Variants in PTPRT observed in about 807,000 individuals in gnomAD.
PTPRT encodes the protein receptor-type tyrosine-protein phosphatase T.
PTPRT carries 56 observed loss-of-function variants against 176.8 expected under a neutral mutation model. The ratio of observed to expected loss-of-function variants is 0.32; its 90% CI spans 0.26 to 0.40. The LOEUF is 0.40. PTPRT is among the 10% of genes least tolerant of loss of function. The pLI is 1.00. For synonymous variants in PTPRT, 783 were observed against 739.0 expected (o/e 1.06, Z -0.96); for missense variants, 1,540 against 1,908.2 (o/e 0.81, Z 3.60).
At chr20:42,766,559 A>G (rs1268518971) in intron 5 of PTPRT, among the ~76,000 whole-genome samples, 2 of 152,190 alleles carry the variant, frequency 1.3e-5, no homozygotes, top group Non-Finnish European at 1.5e-5. Context: ...GGTGCAAAAC[A>G]GGGGCATTGG....
chr20:42,811,548 T>G (rs1209546604), intron 2 of PTPRT, among the ~76,000 whole-genome samples: 1 of 152,190 alleles, frequency 6.6e-6, no homozygotes, highest in Non-Finnish European at 1.5e-5. Context: ...CATTAAGAGC[T>G]TGAAGTAATT....
At chr20:42,803,132 G>A (rs959108926) in intron 2 of PTPRT, among the ~76,000 whole-genome samples, 1 of 152,216 alleles carries the variant, frequency 6.6e-6, no homozygotes, top group Non-Finnish European at 1.5e-5. Flanking sequence ...CAGAGGCAGC[G>A]GGCCTAGAAG....
At chr20:42,643,813 C>A (rs1009854942) in intron 7 of PTPRT, among the ~76,000 whole-genome samples, 2 of 151,998 alleles carry the variant, frequency 1.3e-5, no homozygotes, top group Non-Finnish European at 2.9e-5. Flanking sequence ...TTGCAACCCT[C>A]CCCTTGCCTG....
intron 1 of PTPRT, among the ~76,000 whole-genome samples, chr20:43,179,203 C>A (rs2015190475): frequency 6.6e-6 from 1 of 152,160 alleles, no homozygotes; most frequent in Non-Finnish European, 1.5e-5. Flanking sequence ...GTGACAGTTT[C>A]TTCTGTGATG....
chr20:42,039,908 A>T, the PTPRT span, among the ~76,000 whole-genome samples: 1 of 151,984 alleles, frequency 6.6e-6, no homozygotes, highest in Admixed American at 6.6e-5. Flanking sequence ...GGAAGTGCAG[A>T]TATCTCTTTG....
At chr20:43,001,274 T>C (rs1016843150) in intron 1 of PTPRT, among the ~76,000 whole-genome samples, 1 of 152,110 alleles carries the variant, frequency 6.6e-6, no homozygotes, top group African/African-American at 2.4e-5. Context: ...AAAATATAGA[T>C]CTCAAAAAAT....
At chr20:42,425,133 C>G (rs542692835) in intron 9 of PTPRT, among the ~76,000 whole-genome samples, 2 of 152,214 alleles carry the variant, frequency 1.3e-5, no homozygotes, top group South Asian at 4.2e-4. Context: ...CATCCACTCT[C>G]TGCTAGGTAC....
At chr20:42,592,746 G>T (rs1251535067) in intron 7 of PTPRT, among the ~76,000 whole-genome samples, 1 of 152,166 alleles carries the variant, frequency 6.6e-6, no homozygotes, top group Non-Finnish European at 1.5e-5. Context: ...CTGCCTGTCA[G>T]TTTCTGCTTC....
chr20:42,981,579 G>T (rs1263198491), intron 1 of PTPRT, among the ~76,000 whole-genome samples: 1 of 152,210 alleles, frequency 6.6e-6, no homozygotes, highest in Non-Finnish European at 1.5e-5. Flanking sequence ...TAGCCTGCTG[G>T]ATGGGAACCC....
chr20:42,543,941 T>C (rs1432016788), intron 7 of PTPRT, among the ~76,000 whole-genome samples: 1 of 152,208 alleles, frequency 6.6e-6, no homozygotes, highest in Admixed American at 6.5e-5. Flanking sequence ...AAATCTTCAG[T>C]AAACCCTGCT....
intron 6 of PTPRT, among the ~76,000 whole-genome samples, chr20:42,752,565 T>A (rs2076782677): frequency 6.6e-6 from 1 of 152,138 alleles, no homozygotes; most frequent in Admixed American, 6.5e-5. Flanking sequence ...TATCCCAGGG[T>A]TGTGGGTGAC....
chr20:42,040,704 A>G, the PTPRT span, among the ~76,000 whole-genome samples: 1 of 152,342 alleles, frequency 6.6e-6, no homozygotes, highest in South Asian at 2.1e-4. Context: ...ATTATGGAAA[A>G]GTGTGATGAT....
At position 42,248,718 on chromosome 20, in the gene PTPRT, G is replaced by C. The variant is rs143630572; in HGVS notation, c.2281C>G (p.Leu761Val). The change falls in exon 14 of 31, where the codon CTC becomes GTC. Residue 761 changes from leucine to valine, a missense_variant. Transcript: ENST00000373187. ...IAGLLMFIIILLGVMLTIKRR... is the reference protein window; with the variant it reads ...IAGLLMFIIIVLGVMLTIKRR... Reference sequence around the variant, plus strand: ...TTGATGGTGAGCATCACGCCCAGGAGAATGATGATGAACATGAGGAGGCCA... The same window carrying C: ...TTGATGGTGAGCATCACGCCCAGGACAATGATGATGAACATGAGGAGGCCA... 7,618 of 1,614,014 alleles carry C rather than the reference G, an allele frequency of 4.7e-3. 46 individuals carry two copies. The highest frequency in any genetic ancestry group is 4.9e-3 in the Non-Finnish European group (5,737 of 1,179,938).
At chr20:42,212,301 T>TAAAAAAAAAAAAAAGAA (rs2055657214) in intron 15 of PTPRT, among the ~76,000 whole-genome samples, 1 of 53,006 alleles carries the variant, frequency 1.9e-5, no homozygotes, top group African/African-American at 5.0e-5. Context: ...ACTTAAAGTA[T>TAAAAAAAAAAAAAAGAA]AAAAAAAAAA....
chr20:42,920,418 G>A (rs1979069865), intron 1 of PTPRT, among the ~76,000 whole-genome samples: 1 of 152,030 alleles, frequency 6.6e-6, no homozygotes, highest in African/African-American at 2.4e-5. Context: ...TTGAGGGGAG[G>A]GTGATAAAAA....
intron 7 of PTPRT, among the ~76,000 whole-genome samples, chr20:42,531,920 C>T (rs576214971): frequency 2.8e-4 from 42 of 152,268 alleles, no homozygotes; most frequent in African/African-American, 7.2e-4. Flanking sequence ...TTTGAGAAGC[C>T]GTGCTATTGT....
At chr20:43,018,112 C>T (rs912599976) in intron 1 of PTPRT, among the ~76,000 whole-genome samples, 10 of 152,194 alleles carry the variant, frequency 6.6e-5, no homozygotes, top group South Asian at 4.1e-4. Flanking sequence ...GATTTGCCCA[C>T]GGGCTCACAG....
intron 11 of PTPRT, among the ~76,000 whole-genome samples, chr20:42,320,204 C>T (rs1386863067): frequency 6.6e-6 from 1 of 152,192 alleles, no homozygotes; most frequent in East Asian, 1.9e-4. Context: ...CTTTCAGTAT[C>T]TCCTGCTGTC....
At position 43,005,324 on chromosome 20, in the gene PTPRT, C is replaced by T. The variant is rs544633499; in HGVS notation, c.89-119392G>A. On this transcript the variant is annotated intron_variant, in intron 1 of 30. Coordinates refer to ENST00000373187, the MANE Select transcript of PTPRT (RefSeq NM_007050.6). ...TGCTTCTTTCCTGTGACTCCCGGTGCTCTGGCCACATGAGCCTTCTAACAA... is the reference window on the plus strand; with the variant it reads ...TGCTTCTTTCCTGTGACTCCCGGTGTTCTGGCCACATGAGCCTTCTAACAA... Among the ~76,000 whole-genome samples, 5 of 152,302 alleles carry T rather than the reference C, an allele frequency of 3.3e-5. No homozygotes were observed. In the East Asian group the frequency reaches 9.7e-4, roughly 29 times the overall value.
Sources: gnomAD v4.1 joint callset for allele counts (sites outside exome capture counted in the v4.1 genomes callset) on GRCh38, gnomAD v4.1.1 for gene constraint, MANE v1.5 for transcripts, NCBI Gene and HGNC (gene_info 2026-07-23, HGNC 2026-07-21) for gene names.